Variants in KCNIP1 observed in about 807,000 individuals in gnomAD.
KCNIP1 encodes A-type potassium channel modulatory protein KCNIP1.
A neutral mutation model predicts 33.0 loss-of-function variants in KCNIP1; 18 were observed. The observed-to-expected ratio is 0.55, with a 90% CI of 0.38 to 0.81. The LOEUF is 0.81. KCNIP1 is among the 30% of genes least tolerant of loss of function. The pLI is 0.00. For synonymous variants in KCNIP1, 93 were observed against 98.3 expected (o/e 0.95, Z 0.32); for missense variants, 238 against 271.6 (o/e 0.88, Z 0.87).
rs1042166257 is a variant in KCNIP1 at position 170,424,636 on chromosome 5, A to G, written c.88+70672A>G. On this transcript the variant is annotated intron_variant, in intron 1 of 7. Transcript: ENST00000377360. ...ACTCCTTTTCCTAGTCCAAATCCCC[A>G]TCGTCTCTCCCCTGTTCACTGTGTC... 8.5e-5 allele frequency among the ~76,000 whole-genome samples: 13 copies of G among 152,210 alleles called. No individual in the cohort carries two copies. In the East Asian group the frequency reaches 2.5e-3, roughly 29 times the overall value.
intron 1 of KCNIP1, among the ~76,000 whole-genome samples, chr5:170,602,585 C>T (rs564097045): frequency 2.0e-5 from 3 of 152,228 alleles, no homozygotes; most frequent in Non-Finnish European, 4.4e-5. Context: ...CCACTGTTCT[C>T]GTTTCCCTTT....
At chr5:170,693,783 T>C (rs1762803387) in intron 1 of KCNIP1, among the ~76,000 whole-genome samples, 1 of 152,258 alleles carries the variant, frequency 6.6e-6, no homozygotes. Context: ...AGACACTTTT[T>C]ATCTCGGGCT....
At chr5:170,443,560 A>T (rs866707814) in intron 1 of KCNIP1, among the ~76,000 whole-genome samples, 4 of 152,188 alleles carry the variant, frequency 2.6e-5, no homozygotes, top group Non-Finnish European at 5.9e-5. Context: ...CCTTACACAC[A>T]AAGGCACAGG....
At chr5:170,709,791 G>T (rs1581529356) in intron 1 of KCNIP1, among the ~76,000 whole-genome samples, 1 of 151,874 alleles carries the variant, frequency 6.6e-6, no homozygotes, top group Non-Finnish European at 1.5e-5. Context: ...TCTTTTCTGA[G>T]ACTCCAATTA....
intron 1 of KCNIP1, chr5:170,712,801 G>C: frequency 6.3e-7 from 1 of 1,580,278 alleles, no homozygotes; most frequent in Non-Finnish European, 8.7e-7. Flanking sequence ...ATAAAAGTGT[G>C]TTTTGCTTTT....
chr5:170,440,371 CG>C (rs1755962115), intron 1 of KCNIP1, among the ~76,000 whole-genome samples: 1 of 152,206 alleles, frequency 6.6e-6, no homozygotes, highest in Non-Finnish European at 1.5e-5. Flanking sequence ...AAATACACAG[CG>C]GGGGTCCCAG....
At chr5:170,534,476 G>A (rs575530843) in intron 1 of KCNIP1, among the ~76,000 whole-genome samples, 51 of 82,272 alleles carry the variant, frequency 6.2e-4, no homozygotes, top group African/African-American at 1.8e-3. Context: ...GGGAGAAGGA[G>A]GAGGAGGAGG....
rs1242263083 is a variant in KCNIP1, at chr5:170,426,226, T to C, written c.88+72262T>C. On this transcript the variant is annotated intron_variant, in intron 1 of 7. Transcript: ENST00000377360. ...GCATGCTTGGGAAAATGTTTGCTAA[T>C]GCTTTGTGACTCAAAAGGAATCACA... is the stretch of plus-strand genomic sequence containing the variant. Among the ~76,000 whole-genome samples, 7 of 144,180 alleles carry C rather than the reference T, an allele frequency of 4.9e-5. No individual in the cohort carries two copies. The East Asian group carries it at 1.4e-3, about 29-fold the overall frequency. 94.6% of individuals were successfully genotyped at this position (144,180 alleles called of 152,430 possible).
chr5:170,699,285 G>A lies in KCNIP1; in HGVS notation c.62-19473G>A, dbSNP rs962441839. ...CAAAGATGAGACAGATTGACACAGA[G>A]AAGATGGGTACATGATAGATATTTT... On this transcript the variant is annotated intron_variant, in intron 1 of 7. Transcript: ENST00000328939. Among the ~76,000 whole-genome samples the A allele has an allele frequency of 8.5e-5, 13 of 152,126 alleles. 1 individual carries two copies. The highest frequency in any genetic ancestry group is 6.5e-4 in the Admixed American group (10 of 15,278).
chr5:170,729,536 TA>T (rs1320292482), intron 5 of KCNIP1, among the ~76,000 whole-genome samples: 1 of 151,982 alleles, frequency 6.6e-6, no homozygotes, highest in Non-Finnish European at 1.5e-5. Context: ...CACGAATATA[TA>T]AAGAGCTCTC....
At position 170,489,157 on chromosome 5, in the gene KCNIP1, G is replaced by A. The variant is rs1189800884; in HGVS notation, c.88+135193G>A. Among the ~76,000 whole-genome samples the A allele has an allele frequency of 1.3e-5, 2 of 152,216 alleles. No homozygotes were observed. The highest frequency in any genetic ancestry group is 2.9e-5 in the Non-Finnish European group (2 of 68,038). ...ACCCAATGGCCCCGGAATGGTGATG[G>A]AGCAGCCTGGGAGGCTGCAGGCACT... is the stretch of plus-strand genomic sequence containing the variant. On this transcript the variant is annotated intron_variant, in intron 1 of 7. Transcript: ENST00000377360. This position sits in a 1 kb window ranked among gnomAD's most constrained non-coding sequence, Gnocchi z 4.3.
intron 1 of KCNIP1, among the ~76,000 whole-genome samples, chr5:170,394,218 T>A (rs1011159845): frequency 1.3e-5 from 2 of 152,106 alleles, no homozygotes; most frequent in Admixed American, 1.3e-4. Flanking sequence ...CCTTAGCCAC[T>A]CTCCGCGCCT....
intron 1 of KCNIP1, among the ~76,000 whole-genome samples, chr5:170,683,060 A>G (rs1762414194): frequency 6.6e-6 from 1 of 152,160 alleles, no homozygotes; most frequent in Admixed American, 6.5e-5. Context: ...TTTTATTACA[A>G]TAAAGGATAT....
intron 1 of KCNIP1, among the ~76,000 whole-genome samples, chr5:170,390,277 A>G (rs1023708076): frequency 6.6e-6 from 1 of 151,992 alleles, no homozygotes; most frequent in Non-Finnish European, 1.5e-5. Context: ...ATGCCAAGGT[A>G]GATGGATTGC....
chr5:170,385,336 C>T, intron 1 of KCNIP1: 1 of 1,614,124 alleles, frequency 6.2e-7, no homozygotes, highest in Non-Finnish European at 8.5e-7. Context: ...AGGGGCAGCA[C>T]AGTCGTGACC....
intron 1 of KCNIP1, among the ~76,000 whole-genome samples, chr5:170,601,819 T>A (rs1758704605): frequency 1.3e-5 from 2 of 152,178 alleles, no homozygotes; most frequent in South Asian, 2.1e-4. Flanking sequence ...GGACTGGCGG[T>A]GGCTGCTGCC....
intron 1 of KCNIP1, among the ~76,000 whole-genome samples, chr5:170,560,827 G>A (rs193235963): frequency 5.2e-4 from 79 of 151,778 alleles, no homozygotes; most frequent in African/African-American, 1.8e-3. Context: ...GGTTCCCCCC[G>A]CCCCAGATGC....
intron 1 of KCNIP1, among the ~76,000 whole-genome samples, chr5:170,431,100 G>A (rs1419833994): frequency 2.0e-5 from 3 of 152,244 alleles, no homozygotes; most frequent in Non-Finnish European, 4.4e-5. Flanking sequence ...CTCTGAGGCA[G>A]AGAAACAGAT....
chr5:170,531,697 A>G (rs1247064189), intron 1 of KCNIP1, among the ~76,000 whole-genome samples: 1 of 152,196 alleles, frequency 6.6e-6, no homozygotes. Context: ...GTACAGCATG[A>G]TAGGAGTGTG....
Sources: gnomAD v4.1 joint callset for allele counts (sites outside exome capture counted in the v4.1 genomes callset) on GRCh38, gnomAD v4.1.1 for gene constraint, Gnocchi (gnomAD v3.1) non-coding constraint, MANE v1.5 for transcripts, NCBI Gene and HGNC (gene_info 2026-07-23, HGNC 2026-07-21) for gene names.